The following MANBAL variants were observed in gnomAD, a reference collection of about 807,000 sequenced individuals.
The protein encoded by MANBAL is mannosidase beta like.
A neutral mutation model predicts 6.4 loss-of-function variants in MANBAL; 1 was observed. That is an observed-to-expected ratio of 0.16 (90% CI 0.06 to 0.74). MANBAL has a LOEUF of 0.74. Ranked by LOEUF, MANBAL falls within the 30% of genes least tolerant of loss-of-function variation. The pLI, the probability that MANBAL is intolerant of heterozygous loss-of-function variation, is 0.78. For missense variants in MANBAL, 100 were observed against 107.8 expected, an observed-to-expected ratio of 0.93 and a Z score of 0.32; for synonymous variants, 47 against 45.8, an observed-to-expected ratio of 1.03 and a Z score of -0.10.
Position 37,299,756 on chromosome 20 carries a change from G to A in MANBAL, c.-56-1452G>A, listed in dbSNP as rs1344274547. On this transcript the variant is annotated intron_variant, in intron 1 of 2. Transcript: ENST00000373606. ...GAGGCATGTTGGGGAGATGACACTT[G>A]AGCTCAGCCTTAGAGGCAGAGTGGG... 3.9e-5 allele frequency among the ~76,000 whole-genome samples: 6 copies of A among 152,232 alleles called. No homozygotes were observed. The South Asian group carries it at 1.2e-3, about 31-fold the overall frequency.
chr20:37,299,987 A>G (rs2069095950), intron 1 of MANBAL, among the ~76,000 whole-genome samples: 1 of 152,134 alleles, frequency 6.6e-6, no homozygotes, highest in Non-Finnish European at 1.5e-5. Context: ...ACTGGCCACC[A>G]CTGCCCCTGT....
In MANBAL at chr20:37,291,834, C is replaced by T. The variant is rs6131006; in HGVS notation, c.-57+2148C>T. 2.7e-4 allele frequency among the ~76,000 whole-genome samples: 41 copies of T among 152,306 alleles called. No individual in the cohort carries two copies. The East Asian group carries it at 7.3e-3, about 27-fold the overall frequency. ...TGCTGTCACATAAGACATGCCCTTG[C>T]CTCCCCTTTGCCTTTTGCCGTGATT... is the stretch of plus-strand genomic sequence containing the variant. On this transcript the variant is annotated intron_variant, in intron 1 of 2. Coordinates refer to ENST00000373606, the MANE Select transcript of MANBAL (RefSeq NM_001003897.2).
At chr20:37,299,574 A>T (rs1195049977) in intron 1 of MANBAL, among the ~76,000 whole-genome samples, 1 of 152,318 alleles carries the variant, frequency 6.6e-6, no homozygotes, top group East Asian at 1.9e-4. Flanking sequence ...TGTGGCACAG[A>T]TCTCTGGAAA....
intron 2 of MANBAL, among the ~76,000 whole-genome samples, chr20:37,303,832 C>T (rs1035130010): frequency 2.6e-5 from 4 of 152,184 alleles, no homozygotes; most frequent in Admixed American, 2.6e-4. Flanking sequence ...CAGAAGCACC[C>T]TTGGCCTAGC....
At chr20:37,314,738 T>A (rs2069464703) in intron 2 of MANBAL, among the ~76,000 whole-genome samples, 1 of 152,190 alleles carries the variant, frequency 6.6e-6, no homozygotes, top group South Asian at 2.1e-4. Context: ...CCTGGCTGGC[T>A]CTTCATATCT....
intron 1 of MANBAL, among the ~76,000 whole-genome samples, chr20:37,291,121 C>T (rs758843796): frequency 5.3e-5 from 8 of 152,188 alleles, no homozygotes; most frequent in Non-Finnish European, 1.0e-4. Flanking sequence ...GAGAGCTATA[C>T]TTGTCTCAGT....
intron 1 of MANBAL, among the ~76,000 whole-genome samples, chr20:37,295,087 C>G (rs1311876627): frequency 6.6e-6 from 1 of 152,202 alleles, no homozygotes; most frequent in Non-Finnish European, 1.5e-5. Context: ...GATAGCAGCT[C>G]TGCCCTGACT....
chr20:37,304,692 A>G (rs959534295), intron 2 of MANBAL, among the ~76,000 whole-genome samples: 4 of 152,178 alleles, frequency 2.6e-5, no homozygotes, highest in Non-Finnish European at 5.9e-5. Flanking sequence ...TACTGATACA[A>G]TGTGGAACCT....
chr20:37,311,537 G>T (rs1427510881), intron 2 of MANBAL, among the ~76,000 whole-genome samples: 1 of 152,208 alleles, frequency 6.6e-6, no homozygotes, highest in Admixed American at 6.5e-5. Context: ...GCCCAGGCTG[G>T]AGTGCAATGG....
At chr20:37,307,744 G>C (rs986884786) in intron 2 of MANBAL, among the ~76,000 whole-genome samples, 1 of 149,440 alleles carries the variant, frequency 6.7e-6, no homozygotes, top group African/African-American at 2.5e-5. Flanking sequence ...GCGACAGAGC[G>C]AGACTCCATC....
chr20:37,301,485 A>G, intron 2 of MANBAL, 72 bp downstream of exon 2: 1 of 1,497,926 alleles, frequency 6.7e-7, no homozygotes. Flanking sequence ...AGTAGGTGCC[A>G]CCACAACTGA....
chr20:37,294,252 C>T (rs1225631963), intron 1 of MANBAL, among the ~76,000 whole-genome samples: 2 of 152,184 alleles, frequency 1.3e-5, no homozygotes, highest in Non-Finnish European at 2.9e-5. Flanking sequence ...TCAGATTTCA[C>T]CTCAGCATTC....
At chr20:37,291,986 G>T (rs2068881905) in intron 1 of MANBAL, among the ~76,000 whole-genome samples, 1 of 152,206 alleles carries the variant, frequency 6.6e-6, no homozygotes, top group Admixed American at 6.5e-5. Context: ...GAAGTAAAGT[G>T]CTATTCTCAT....
At chr20:37,292,668 T>C (rs2068899317) in intron 1 of MANBAL, among the ~76,000 whole-genome samples, 1 of 152,248 alleles carries the variant, frequency 6.6e-6, no homozygotes, top group Admixed American at 6.5e-5. Context: ...ACTACTTTAT[T>C]TTGTTGCTGA....
intron 2 of MANBAL, among the ~76,000 whole-genome samples, chr20:37,314,775 C>G (rs557746083): frequency 6.6e-6 from 1 of 152,086 alleles, no homozygotes; most frequent in Non-Finnish European, 1.5e-5. Context: ...TGATGGGAGA[C>G]GATGTTGGCC....
intron 1 of MANBAL, among the ~76,000 whole-genome samples, chr20:37,292,457 A>G (rs530255571): frequency 6.6e-6 from 1 of 152,122 alleles, no homozygotes; most frequent in Non-Finnish European, 1.5e-5. Flanking sequence ...ACCTACCACC[A>G]TGGCTGGCTA....
intron 2 of MANBAL, among the ~76,000 whole-genome samples, chr20:37,315,482 G>C (rs2069489779): frequency 6.6e-6 from 1 of 152,190 alleles, no homozygotes; most frequent in African/African-American, 2.4e-5. Context: ...CTTCCCTGGA[G>C]TCTCCCTTCC....
chr20:37,302,179 G>A (rs1256816772), intron 2 of MANBAL: 1 of 1,506,916 alleles, frequency 6.6e-7, no homozygotes, highest in African/African-American at 1.4e-5. Context: ...GAGAAAGCAG[G>A]TCGTTTGTCA....
At chr20:37,291,851 G>A (rs1476062074) in intron 1 of MANBAL, among the ~76,000 whole-genome samples, 1 of 152,150 alleles carries the variant, frequency 6.6e-6, no homozygotes, top group Non-Finnish European at 1.5e-5. Context: ...TTTGCCTTTT[G>A]CCGTGATTGT....
Sources: allele counts gnomAD v4.1 joint callset (sites outside exome capture counted in the v4.1 genomes callset), GRCh38; gene constraint gnomAD v4.1.1; transcripts MANE v1.5; gene names NCBI Gene and HGNC (gene_info 2026-07-23, HGNC 2026-07-21).